DLG2: variants seen among roughly 807,000 people sequenced by gnomAD.
DLG2 encodes the protein disks large homolog 2.
A neutral mutation model predicts 132.5 loss-of-function variants in DLG2; 45 were observed. The ratio of observed to expected loss-of-function variants is 0.34; its 90% CI spans 0.27 to 0.44. The LOEUF (loss-of-function observed/expected upper bound fraction) is 0.44. DLG2 is among the 20% of genes least tolerant of loss of function. The pLI is 1.00. For synonymous variants in DLG2, 424 were observed against 419.6 expected (o/e 1.01, Z -0.13); for missense variants, 1,045 against 1,196.9 (o/e 0.87, Z 1.87).
At chr11:84,184,780 TC>T (rs1310035357) in intron 8 of DLG2, among the ~76,000 whole-genome samples, 7 of 152,188 alleles carry the variant, frequency 4.6e-5, no homozygotes, top group Non-Finnish European at 7.4e-5. Context: ...GTTTCAGCTT[TC>T]TACATATGGC....
chr11:84,657,031 C>A (rs1221470267), intron 6 of DLG2, among the ~76,000 whole-genome samples: 3 of 152,088 alleles, frequency 2.0e-5, no homozygotes, highest in Admixed American at 1.3e-4. Context: ...TTATTGTCCC[C>A]ATTTACCATA....
intron 5 of DLG2, among the ~76,000 whole-genome samples, chr11:85,137,373 GT>G (rs2076199403): frequency 6.6e-6 from 1 of 152,146 alleles, no homozygotes; most frequent in African/African-American, 2.4e-5. Flanking sequence ...GGAAACTGAA[GT>G]TGCTTGAGGT....
intron 7 of DLG2, among the ~76,000 whole-genome samples, chr11:84,444,009 GT>G (rs536166140): frequency 2.0e-3 from 291 of 143,046 alleles, no homozygotes; most frequent in Non-Finnish European, 2.8e-3. Flanking sequence ...AGTCTCCAAA[GT>G]TTTTTTTTTT....
At chr11:84,331,062 T>C (rs1385502782) in intron 7 of DLG2, among the ~76,000 whole-genome samples, 2 of 152,188 alleles carry the variant, frequency 1.3e-5, no homozygotes, top group Non-Finnish European at 2.9e-5. Flanking sequence ...GAATATAAAA[T>C]TTTTGCCTTA....
At chr11:84,370,254 A>AT (rs944487552) in intron 7 of DLG2, among the ~76,000 whole-genome samples, 3 of 151,924 alleles carry the variant, frequency 2.0e-5, no homozygotes, top group African/African-American at 4.8e-5. Flanking sequence ...GGGAAGTTGT[A>AT]TTTTTTTTCA....
At chr11:84,443,663 G>T (rs1257995374) in intron 7 of DLG2, among the ~76,000 whole-genome samples, 1 of 152,146 alleles carries the variant, frequency 6.6e-6, no homozygotes, top group African/African-American at 2.4e-5. Flanking sequence ...TGAGACTTAA[G>T]ATGTTTTCAT....
At chr11:84,055,330 T>C (rs2096480286) in intron 11 of DLG2, among the ~76,000 whole-genome samples, 1 of 152,100 alleles carries the variant, frequency 6.6e-6, no homozygotes, top group Admixed American at 6.6e-5. Flanking sequence ...TGCTCTCACT[T>C]CTGCCCTCTT....
chr11:85,540,494 C>G (rs922946476), intron 3 of DLG2, among the ~76,000 whole-genome samples: 1 of 152,132 alleles, frequency 6.6e-6, no homozygotes, highest in South Asian at 2.1e-4. Context: ...CCCATTCCAT[C>G]CCCCTCTGGC....
chr11:84,158,622 T>A (rs185990162), intron 9 of DLG2, among the ~76,000 whole-genome samples: 2 of 152,226 alleles, frequency 1.3e-5, no homozygotes, highest in East Asian at 3.9e-4. Context: ...CTCATAGGAG[T>A]GTTACTAAAT....
At chr11:84,706,803 T>C (rs10501570) in intron 6 of DLG2, among the ~76,000 whole-genome samples, 21,378 of 151,776 alleles carry the variant, frequency 0.14, 1,997 homozygotes, top group Admixed American at 0.19. Flanking sequence ...TTTCATTACA[T>C]TGGCGCTGAA....
At chr11:83,647,366 T>A (rs563742330) in intron 18 of DLG2, 1 of 152,206 alleles carries the variant, frequency 6.6e-6, no homozygotes, top group Non-Finnish European at 1.5e-5. Flanking sequence ...CGTCCATGTC[T>A]GATGCCTCAG....
chr11:85,483,979 C>G (rs1304407128), intron 3 of DLG2, among the ~76,000 whole-genome samples: 1 of 151,984 alleles, frequency 6.6e-6, no homozygotes, highest in Non-Finnish European at 1.5e-5. Flanking sequence ...CCCGGGTCTT[C>G]CAGGAGTCGG....
intron 3 of DLG2, among the ~76,000 whole-genome samples, chr11:85,411,164 G>A (rs560617533): frequency 6.6e-6 from 1 of 151,766 alleles, no homozygotes; most frequent in Non-Finnish European, 1.5e-5. Context: ...GGAATAGTGG[G>A]AAAGAAGAGA....
At chr11:83,824,766 A>C (rs2052005178) in intron 17 of DLG2, among the ~76,000 whole-genome samples, 1 of 152,104 alleles carries the variant, frequency 6.6e-6, no homozygotes, top group African/African-American at 2.4e-5. Flanking sequence ...CTGGTGTTTT[A>C]CTGGTGCACT....
intron 12 of DLG2, among the ~76,000 whole-genome samples, chr11:83,973,517 A>G (rs970027635): frequency 6.6e-6 from 1 of 152,056 alleles, no homozygotes; most frequent in Non-Finnish European, 1.5e-5. Context: ...GAACTGTTCT[A>G]AATTTTTTTT....
chr11:85,357,443 C>T (rs1343415060), intron 3 of DLG2, among the ~76,000 whole-genome samples: 1 of 150,038 alleles, frequency 6.7e-6, no homozygotes, highest in Admixed American at 6.7e-5. Flanking sequence ...CCACCCACCT[C>T]AGCCTCCCAA....
Position 85,369,944 on chromosome 11 carries a change from C to T in DLG2, c.41-84579G>A, listed in dbSNP as rs530125316. Among the ~76,000 whole-genome samples the T allele has an allele frequency of 2.4e-4, 37 of 152,288 alleles. No individual in the cohort carries two copies. The South Asian group carries it at 7.5e-3, about 31-fold the overall frequency. On this transcript the variant is annotated intron_variant, in intron 3 of 27. Coordinates refer to ENST00000376104, the MANE Select transcript of DLG2 (RefSeq NM_001142699.3). ...GACTTTAATCTTTGAGAAATAAAAT[C>T]AGCCTTAAAGATTATTGGTAAAATG...
chr11:83,705,442 A>G (rs1271069019), intron 18 of DLG2, among the ~76,000 whole-genome samples: 1 of 152,142 alleles, frequency 6.6e-6, no homozygotes, highest in Non-Finnish European at 1.5e-5. Context: ...TACTTTTCAA[A>G]ACATCATTAT....
chr11:83,862,801 A>G (rs1490182517), intron 16 of DLG2, among the ~76,000 whole-genome samples: 6 of 152,138 alleles, frequency 3.9e-5, no homozygotes, highest in African/African-American at 1.4e-4. Flanking sequence ...AGAAGTGGAG[A>G]AAATTGGTCA....
Sources: allele counts gnomAD v4.1 joint callset (sites outside exome capture counted in the v4.1 genomes callset), GRCh38; gene constraint gnomAD v4.1.1; transcripts MANE v1.5; gene names NCBI Gene and HGNC (gene_info 2026-07-23, HGNC 2026-07-21).